The following C7orf33 variants were observed in gnomAD, a reference collection of about 807,000 sequenced individuals.
C7orf33 encodes the protein uncharacterized protein C7orf33.
C7orf33 carries 15 observed loss-of-function variants against 13.4 expected under a neutral mutation model. The observed-to-expected ratio is 1.12, with a 90% confidence interval of 0.75 to 1.72. The LOEUF (loss-of-function observed/expected upper bound fraction) is 1.72. Ranked by LOEUF, C7orf33 falls within the 40% of genes most tolerant of loss-of-function variation. The probability of loss-of-function intolerance (pLI) is 0.00; values close to 1 mark genes in which losing one functional copy is unlikely to be tolerated. For synonymous variants in C7orf33, 73 were observed against 83.2 expected, an observed-to-expected ratio of 0.88 and a Z score of 0.67; for missense variants, 187 against 220.3, an observed-to-expected ratio of 0.85 and a Z score of 0.96.
intron 1 of C7orf33, among the ~76,000 whole-genome samples, chr7:148,610,530 G>C (rs1217102895): frequency 6.6e-6 from 1 of 152,132 alleles, no homozygotes; most frequent in Non-Finnish European, 1.5e-5. Flanking sequence ...GTGGAGCCTT[G>C]TGAGCATGTG....
At chr7:148,598,725 G>T (rs1379089234) in intron 1 of C7orf33, among the ~76,000 whole-genome samples, 4 of 24,390 alleles carry the variant, frequency 1.6e-4, no homozygotes, top group Admixed American at 9.0e-4. Context: ...TTCATTCCTG[G>T]ATATATATAT....
At chr7:148,606,180 A>C (rs1796471398) in intron 1 of C7orf33, among the ~76,000 whole-genome samples, 1 of 152,228 alleles carries the variant, frequency 6.6e-6, no homozygotes, top group Non-Finnish European at 1.5e-5. Flanking sequence ...GACAGTAAAG[A>C]AATTCGGAGG....
chr7:148,593,840 G>C (rs537163220), intron 1 of C7orf33, among the ~76,000 whole-genome samples: 39 of 152,134 alleles, frequency 2.6e-4, no homozygotes, highest in African/African-American at 8.9e-4. Flanking sequence ...ATATTTGCCC[G>C]GCTAAGTGTC....
At position 148,614,188 on chromosome 7, in the gene C7orf33, G is replaced by C; in HGVS notation, c.351G>C (p.Arg117Ser). The C allele has an allele frequency of 6.2e-7, 1 of 1,614,190 alleles. No individual in the cohort carries two copies. The highest frequency in any genetic ancestry group is 8.5e-7 in the Non-Finnish European group (1 of 1,180,040). ...QRAVRIRPGT[R>S]MGLSSDPVVG... ...CAGTCAGAATCAGGCCAGGCACCAG[G>C]ATGGGCTTGTCCTCAGATCCAGTTG... The change falls in exon 2 of 3, where the codon AGG becomes AGC. Residue 117 changes from arginine (R) to serine (S), a missense_variant. By Grantham distance (110) the Arg-to-Ser change is moderately radical (BLOSUM62 -1). Transcript: ENST00000307003.
intron 1 of C7orf33, among the ~76,000 whole-genome samples, chr7:148,596,856 T>G (rs1796345475): frequency 6.6e-6 from 1 of 152,206 alleles, no homozygotes; most frequent in African/African-American, 2.4e-5. Context: ...CTGATCTTTT[T>G]ACTGTCTCCA....
chr7:148,613,910 A>ATCTTTAGGCTAT, intron 1 of C7orf33, 132 bp from the exon 2 acceptor site: 3 of 970,606 alleles, frequency 3.1e-6, no homozygotes, highest in Non-Finnish European at 4.6e-6. Context: ...TTTGTCTATA[A>ATCTTTAGGCTAT]TCTTTAGGCT....
At chr7:148,604,960 G>A (rs1051935697) in intron 1 of C7orf33, among the ~76,000 whole-genome samples, 23 of 152,108 alleles carry the variant, frequency 1.5e-4, no homozygotes, top group African/African-American at 4.6e-4. Context: ...GGCTGAACAC[G>A]GTGGCTCACG....
intron 1 of C7orf33, among the ~76,000 whole-genome samples, 164 bp downstream of exon 1, chr7:148,591,293 C>T (rs1796266923): frequency 6.6e-6 from 1 of 152,166 alleles, no homozygotes; most frequent in South Asian, 2.1e-4. Context: ...TAATTCACTG[C>T]CCCAAAGAAG....
chr7:148,602,912 T>A (rs1796432502), intron 1 of C7orf33, among the ~76,000 whole-genome samples: 1 of 152,212 alleles, frequency 6.6e-6, no homozygotes, highest in South Asian at 2.1e-4. Context: ...AAAAGAGTCA[T>A]CCTTTCCAGA....
chr7:148,613,000 C>G (rs1013674797), intron 1 of C7orf33, among the ~76,000 whole-genome samples: 5 of 152,080 alleles, frequency 3.3e-5, no homozygotes, highest in African/African-American at 1.2e-4. Context: ...CATAAACATT[C>G]AAAACCCTCT....
intron 1 of C7orf33, among the ~76,000 whole-genome samples, chr7:148,612,288 A>G (rs1050383611): frequency 6.6e-6 from 1 of 152,154 alleles, no homozygotes; most frequent in African/African-American, 2.4e-5. Flanking sequence ...GGCATTAATA[A>G]TGAACTTCCC....
At chr7:148,596,502 G>A (rs1423090635) in intron 1 of C7orf33, among the ~76,000 whole-genome samples, 2 of 152,150 alleles carry the variant, frequency 1.3e-5, no homozygotes, top group African/African-American at 4.8e-5. Flanking sequence ...CATAATCATG[G>A]TGGAAGGCAA....
chr7:148,598,763 TAGAGAGAGAGAGAGAG>T (rs774619392), intron 1 of C7orf33, among the ~76,000 whole-genome samples: 370 of 26,082 alleles, frequency 0.014, 5 homozygotes, highest in African/African-American at 0.019. Context: ...TATATATATA[TAGAGAGAGAGAGAGAG>T]AGAGAGAGAG....
chr7:148,605,517 T>C (rs571724754), intron 1 of C7orf33, among the ~76,000 whole-genome samples: 1 of 152,304 alleles, frequency 6.6e-6, no homozygotes, highest in Non-Finnish European at 1.5e-5. Flanking sequence ...CTCCTGTGAG[T>C]ATCATCCTAG....
At chr7:148,593,454 G>A (rs1174885464) in intron 1 of C7orf33, among the ~76,000 whole-genome samples, 6 of 150,986 alleles carry the variant, frequency 4.0e-5, no homozygotes, top group Admixed American at 1.3e-4. Flanking sequence ...TAGTAGAGTC[G>A]AGGTTTCACC....
In C7orf33 at chr7:148,590,844, C is replaced by A; in HGVS notation, c.-82C>A. 7.9e-7 allele frequency: 1 copy of A among 1,273,442 alleles called. No individual in the cohort carries two copies. Among genetic ancestry groups the A allele is most frequent in the Non-Finnish European group, 1.1e-6 (1 of 880,430 alleles). The allele number at this position is 1,273,442 out of a possible 1,614,324, so 78.9% of individuals were successfully genotyped here. A position where few individuals can be genotyped will look rare whatever the true frequency, so the allele number is the denominator to read the frequency against. On this transcript the variant is annotated 5_prime_UTR_variant, in exon 1 of 3. Coordinates refer to ENST00000307003, the MANE Select transcript of C7orf33 (RefSeq NM_145304.4). ...GAATCCTCCTACTGACCCTGGGGATCCGTGCGACTTGATCTTAGATATTGG... is the reference window on the plus strand; with the variant it reads ...GAATCCTCCTACTGACCCTGGGGATACGTGCGACTTGATCTTAGATATTGG...
At chr7:148,598,002 G>T (rs1309168821) in intron 1 of C7orf33, among the ~76,000 whole-genome samples, 1 of 152,130 alleles carries the variant, frequency 6.6e-6, no homozygotes, top group Non-Finnish European at 1.5e-5. Context: ...TGATCCTCCC[G>T]CCTTGGTCTC....
chr7:148,613,289 A>G (rs896846863), intron 1 of C7orf33, among the ~76,000 whole-genome samples: 1 of 152,212 alleles, frequency 6.6e-6, no homozygotes, highest in African/African-American at 2.4e-5. Flanking sequence ...TAACATAATG[A>G]CCCAGCAATT....
At chr7:148,603,308 C>T (rs568021615) in intron 1 of C7orf33, among the ~76,000 whole-genome samples, 35 of 152,200 alleles carry the variant, frequency 2.3e-4, no homozygotes, top group Middle Eastern at 3.4e-3. Context: ...AGGCCAGACT[C>T]GGTGGCTCAT....
Sources: allele counts gnomAD v4.1 joint callset (sites outside exome capture counted in the v4.1 genomes callset), GRCh38; gene constraint gnomAD v4.1.1; transcripts MANE v1.5; gene names NCBI Gene and HGNC (gene_info 2026-07-23, HGNC 2026-07-21).